The following LPA variants were observed in gnomAD, a reference collection of about 807,000 sequenced individuals.
The protein encoded by LPA is lipoprotein(a).
In LPA, 199 loss-of-function variants were observed where a neutral mutation model predicts 197.9. That is an observed-to-expected ratio of 1.01 (90% CI 0.90 to 1.13). The LOEUF (loss-of-function observed/expected upper bound fraction) is 1.13. LPA is among the 50% of genes most tolerant of loss of function. The pLI, the probability that LPA is intolerant of heterozygous loss-of-function variation, is 0.00. For synonymous variants in LPA, 715 were observed against 639.5 expected, an observed-to-expected ratio of 1.12 and a Z score of -1.78; for missense variants, 1,853 against 1,785.8, an observed-to-expected ratio of 1.04 and a Z score of -0.68.
At chr6:160,588,566 T>C (rs561678882) in intron 24 of LPA, among the ~76,000 whole-genome samples, 5 of 152,212 alleles carry the variant, frequency 3.3e-5, no homozygotes, top group Non-Finnish European at 5.9e-5. Context: ...GTTCTTTCTT[T>C]ATGAAAACTC....
chr6:160,545,207 T>C (rs1778046000), intron 33 of LPA, among the ~76,000 whole-genome samples: 1 of 152,004 alleles, frequency 6.6e-6, no homozygotes, highest in African/African-American at 2.4e-5. Context: ...GAATTTGACA[T>C]TTATTTTATT....
intron 38 of LPA, 75 bp downstream of exon 38, chr6:160,532,456 C>CT (rs1777821788): frequency 1.6e-6 from 2 of 1,241,558 alleles, no homozygotes; most frequent in Non-Finnish European, 2.4e-6. Flanking sequence ...GAATTTGCCA[C>CT]TTTGGGACTG....
At chr6:160,651,157 A>G (rs1363898804) in intron 1 of LPA, among the ~76,000 whole-genome samples, 1 of 152,252 alleles carries the variant, frequency 6.6e-6, no homozygotes, top group Non-Finnish European at 1.5e-5. Flanking sequence ...AGGCACAAGA[A>G]TACTGAGAAT....
rs764408441 is a variant in LPA at position 160,577,194 on chromosome 6, A to G, written c.4573T>C (p.Ser1525Pro). 4 of 1,613,820 alleles carry G rather than the reference A, an allele frequency of 2.5e-6. No homozygotes were observed. Among genetic ancestry groups the G allele is most frequent in the Admixed American group, 3.3e-5 (2 of 60,002 alleles). The stretch of plus-strand genomic sequence containing the variant: ...CAGTGTGGTATCATAGATGACCAAG[A>G]TTGACAGGTCCTTCCTGTGACAGTG... Reference protein sequence around the residue: ...STTVTGRTCQSWSSMIPHWHQ... With the variant: ...STTVTGRTCQPWSSMIPHWHQ... The change falls in exon 28 of 39, where the codon TCT becomes CCT. Residue 1525 changes from serine to proline, a missense_variant. Physicochemically the swap from Ser to Pro is moderately conservative, Grantham distance 74. Coordinates refer to ENST00000316300, the MANE Select transcript of LPA (RefSeq NM_005577.4).
In LPA at chr6:160,554,642, G is replaced by A. The variant is rs186705953; in HGVS notation, c.4973+1383C>T. Among the ~76,000 whole-genome samples, 7 of 152,164 alleles carry A rather than the reference G, an allele frequency of 4.6e-5. No individual in the cohort carries two copies. In the East Asian group the frequency reaches 5.8e-4, roughly 13 times the overall value. ...CCCCCAGTGCTACGTGAGCTCTGGC[G>A]TCACCATTGAGCTCACTGTTTCCCT... On this transcript the variant is annotated intron_variant, in intron 30 of 38. Coordinates refer to ENST00000316300, the MANE Select transcript of LPA (RefSeq NM_005577.4).
At position 160,568,937 on chromosome 6, in the gene LPA, A is replaced by T. The variant is rs145445975; in HGVS notation, c.4631+8199T>A. On this transcript the variant is annotated intron_variant, in intron 28 of 38. Coordinates refer to ENST00000316300, the MANE Select transcript of LPA (RefSeq NM_005577.4). ...ATCCAACTTACAAGGGATGGGAAGGACCTCTTCAAGGAGAACTACAAACCA... is the reference window on the plus strand; with the variant it reads ...ATCCAACTTACAAGGGATGGGAAGGTCCTCTTCAAGGAGAACTACAAACCA... Among the ~76,000 whole-genome samples, 91 of 152,328 alleles carry T rather than the reference A, an allele frequency of 6.0e-4. 1 individual carries two copies. In the East Asian group the frequency reaches 0.014, roughly 23 times the overall value.
chr6:160,654,057 T>TTATATATAATATATA (rs1780079384), intron 1 of LPA, among the ~76,000 whole-genome samples: 3 of 5,914 alleles, frequency 5.1e-4, no homozygotes, highest in Non-Finnish European at 8.6e-4. Flanking sequence ...TATAATATAT[T>TTATATATAATATATA]ATATATATTA....
rs761109781 is a variant in LPA, at chr6:160,548,632, A to C, written c.5001T>G (p.Asn1667Lys). The change falls in exon 31 of 39, where the codon AAT (asparagine) becomes AAG (lysine). Residue 1667 changes from asparagine (N) to lysine (K), a missense_variant. Physicochemically the swap from Asn to Lys is moderately conservative, Grantham distance 94. Coordinates refer to ENST00000316300, the MANE Select transcript of LPA (RefSeq NM_005577.4). ...NDGLTMNYCRNPDADTGPWCF... is the reference protein window; with the variant it reads ...NDGLTMNYCRKPDADTGPWCF... Reference sequence around the variant, plus strand: ...ACCAAGGGCCTGTATCGGCATCTGGATTCCTGCAGTAGTTCATTGTCAGGC... The same window carrying C: ...ACCAAGGGCCTGTATCGGCATCTGGCTTCCTGCAGTAGTTCATTGTCAGGC... 6.2e-7 allele frequency: 1 copy of C among 1,614,018 alleles called. No individual in the cohort carries two copies. The highest frequency in any genetic ancestry group is 8.5e-7 in the Non-Finnish European group (1 of 1,180,018).
At chr6:160,550,220 GAAAA>G (rs35220367) in intron 30 of LPA, among the ~76,000 whole-genome samples, 1 of 137,952 alleles carries the variant, frequency 7.2e-6, no homozygotes, top group Non-Finnish European at 1.6e-5. Context: ...ACTCTGTCAA[GAAAA>G]AAAAAAAAAA....
At chr6:160,575,847 G>T (rs1401417728) in intron 28 of LPA, among the ~76,000 whole-genome samples, 4 of 152,100 alleles carry the variant, frequency 2.6e-5, no homozygotes, top group African/African-American at 9.7e-5. Context: ...ATTACACTGA[G>T]GTGACTTCTA....
chr6:160,599,549 A>G lies in LPA; in HGVS notation c.3238T>C (p.Ser1080Pro). Residue 1080 changes from serine to proline, a missense_variant, in exon 20 of 39, where the codon TCT (serine) becomes CCT (proline). This residue lies in a region of LPA where 1,737 missense variants were observed against 1,504.4 expected (regional missense o/e 1.15). Transcript: ENST00000316300. ...VTGRTCQAWS[S>P]MTPHQHSRTP... ...CGACTATGCTGGTGTGGTGTCATAG[A>G]TGACCAAGCTTGGCAAGTTCTTCCT... 2 of 1,614,116 alleles carry G rather than the reference A, an allele frequency of 1.2e-6. No individual in the cohort carries two copies. Among genetic ancestry groups the G allele is most frequent in the Non-Finnish European group, 1.7e-6 (2 of 1,179,984 alleles).
chr6:160,607,844 A>C (rs1366341252), intron 16 of LPA, among the ~76,000 whole-genome samples: 2 of 152,098 alleles, frequency 1.3e-5, no homozygotes, highest in Admixed American at 6.5e-5. Flanking sequence ...GAATACATGG[A>C]ATATTCTTAT....
chr6:160,603,235 T>G (rs531471281), intron 18 of LPA, among the ~76,000 whole-genome samples: 279 of 143,494 alleles, frequency 1.9e-3, no homozygotes, highest in African/African-American at 7.0e-3. Context: ...TTTGTGGAGG[T>G]GTGTGTGTGT....
intron 22 of LPA, among the ~76,000 whole-genome samples, 198 bp from the exon 23 acceptor site, chr6:160,591,299 G>A (rs1259088402): frequency 2.0e-5 from 3 of 152,140 alleles, no homozygotes; most frequent in Non-Finnish European, 2.9e-5. Flanking sequence ...CATTCTTATT[G>A]TAACACATCC....
intron 30 of LPA, among the ~76,000 whole-genome samples, chr6:160,553,956 C>CGCGT (rs1778211736): frequency 3.4e-5 from 1 of 29,416 alleles, no homozygotes; most frequent in Non-Finnish European, 8.8e-5. Flanking sequence ...TGTGTGTGTG[C>CGCGT]GCGCGCGCGC....
chr6:160,533,348 G>A (rs1006653288), intron 37 of LPA, among the ~76,000 whole-genome samples: 3 of 152,186 alleles, frequency 2.0e-5, no homozygotes, highest in South Asian at 2.1e-4. Context: ...TCATAATGTG[G>A]TATATCTCAC....
At chr6:160,606,359 G>A in intron 17 of LPA, 118 bp downstream of exon 17, 1 of 1,435,306 alleles carries the variant, frequency 7.0e-7, no homozygotes, top group South Asian at 1.2e-5. Flanking sequence ...CTACATGACA[G>A]AACTCAGTCA....
At position 160,547,787 on chromosome 6, in the gene LPA, A is replaced by G. The variant is rs756286615; in HGVS notation, c.5304+2T>C. The G allele has an allele frequency of 6.8e-6, 11 of 1,613,860 alleles. No homozygotes were observed. The highest frequency in any genetic ancestry group is 9.3e-6 in the Non-Finnish European group (11 of 1,179,972). On this transcript the variant is annotated splice_donor_variant, in intron 32 of 38. Transcript: ENST00000316300. LOFTEE classifies it high-confidence loss of function. ...AAAAGAGTCCAAATCAAAGTGGCTT[A>G]CATTTTTTTCCAGACCTGCCCATTT...
intron 30 of LPA, among the ~76,000 whole-genome samples, chr6:160,549,854 G>A (rs1217281134): frequency 6.6e-6 from 1 of 152,210 alleles, no homozygotes; most frequent in Non-Finnish European, 1.5e-5. Flanking sequence ...AAGGCATAAA[G>A]TGAGAGGGCT....
Sources: gnomAD v4.1 joint callset for allele counts (sites outside exome capture counted in the v4.1 genomes callset) on GRCh38, gnomAD v4.1.1 for gene constraint, gnomAD v4.1.1 regional missense constraint, MANE v1.5 for transcripts, NCBI Gene and HGNC (gene_info 2026-07-23, HGNC 2026-07-21) for gene names.